FAT1: variants seen among roughly 807,000 people sequenced by gnomAD.
FAT1 encodes the protein protocadherin Fat 1.
In FAT1, 171 loss-of-function variants were observed where a neutral mutation model predicts 329.8. That is an observed-to-expected ratio of 0.52 (90% CI 0.46 to 0.59). The LOEUF is 0.59. Ranked by LOEUF, FAT1 falls within the 20% of genes least tolerant of loss-of-function variation. The pLI is 0.00. For synonymous variants in FAT1, 2,233 were observed against 2,228.6 expected (o/e 1.00, Z -0.06); for missense variants, 5,672 against 5,774.4 (o/e 0.98, Z 0.57).
intron 2 of FAT1, among the ~76,000 whole-genome samples, chr4:186,682,690 A>G (rs1281941439): frequency 6.6e-6 from 1 of 152,216 alleles, no homozygotes; most frequent in Non-Finnish European, 1.5e-5. Flanking sequence ...TTTACATCCA[A>G]AAGAAAGTCT....
intron 6 of FAT1, among the ~76,000 whole-genome samples, chr4:186,634,192 A>C (rs985668883): frequency 3.3e-5 from 5 of 152,238 alleles, no homozygotes; most frequent in Non-Finnish European, 5.9e-5. Context: ...CTTACTAACA[A>C]AACTTTCTGA....
rs2126523775 is a variant in FAT1 at position 186,621,276 on chromosome 4, A to G, written c.5310T>C (p.Tyr1770=). 3 of 1,614,044 alleles carry G rather than the reference A, an allele frequency of 1.9e-6. No homozygotes were observed. The highest frequency in any genetic ancestry group is 2.5e-6 in the Non-Finnish European group (3 of 1,179,900). The change falls in exon 10 of 27, where the codon TAT becomes TAC. Residue 1770 remains tyrosine (Y), a synonymous_variant. Transcript: ENST00000441802. Reference sequence around the variant, plus strand: ...AGGCTGATTCACTAATGAGTCCTGTATATTCTGCCTGCATAAAAACTGGCG... The same window carrying G: ...AGGCTGATTCACTAATGAGTCCTGTGTATTCTGCCTGCATAAAAACTGGCG... ...DNAPVFMQAE[Y]TGLISESASI...
chr4:186,619,594 T>C lies in FAT1; in HGVS notation c.6992A>G (p.Asp2331Gly). The change falls in exon 10 of 27, where the codon GAT becomes GGT. Residue 2331 changes from aspartate (D) to glycine (G), a missense_variant. Coordinates refer to ENST00000441802, the MANE Select transcript of FAT1 (RefSeq NM_005245.4). ...QMFGNHSKSH[D>G]HFHVDSSTGL... ...AGTGCTGCTGTCTACATGAAAATGA[T>C]CATGACTCTTGCTGTGATTCCCAAA... 1 of 1,613,972 alleles carries C rather than the reference T, an allele frequency of 6.2e-7. No individual in the cohort carries two copies. The highest frequency in any genetic ancestry group is 8.5e-7 in the Non-Finnish European group (1 of 1,179,900).
At chr4:186,710,987 C>T (rs1389731852) in intron 1 of FAT1, among the ~76,000 whole-genome samples, 1 of 152,198 alleles carries the variant, frequency 6.6e-6, no homozygotes, top group Non-Finnish European at 1.5e-5. Flanking sequence ...AACTGTTCCC[C>T]TTTGCCAACA....
At chr4:186,713,397 A>G (rs1745056331) in intron 1 of FAT1, among the ~76,000 whole-genome samples, 1 of 152,114 alleles carries the variant, frequency 6.6e-6, no homozygotes, top group Non-Finnish European at 1.5e-5. Flanking sequence ...CCACAGAGGT[A>G]GAGTCGTTTC....
Position 186,619,439 on chromosome 4 carries a change from G to A in FAT1, c.7147C>T (p.Leu2383Phe), listed in dbSNP as rs2126505593. 6 of 1,613,982 alleles carry A rather than the reference G, an allele frequency of 3.7e-6. No individual in the cohort carries two copies. The highest frequency in any genetic ancestry group is 3.3e-5 in the South Asian group (3 of 91,072). ...DVIVTVDVTDLNDNPPLFEQQ... is the reference protein window; with the variant it reads ...DVIVTVDVTDFNDNPPLFEQQ... ...TCAAAGAGTGGTGGATTATCATTGAGGTCGGTAACGTCCACCGTGACAATC... is the reference window on the plus strand; with the variant it reads ...TCAAAGAGTGGTGGATTATCATTGAAGTCGGTAACGTCCACCGTGACAATC... The change falls in exon 10 of 27, where the codon CTC becomes TTC. Residue 2383 changes from leucine to phenylalanine, a missense_variant. Transcript: ENST00000441802.
At position 186,636,834 on chromosome 4, in the gene FAT1, G is replaced by A; in HGVS notation, c.3723C>T (p.Asn1241=). The A allele has an allele frequency of 6.2e-7, 1 of 1,613,912 alleles. No homozygotes were observed. Among genetic ancestry groups the A allele is most frequent in the South Asian group, 1.1e-5 (1 of 91,082 alleles). Residue 1241 remains asparagine, a synonymous_variant, in exon 5 of 27, where the codon AAC becomes AAT. Coordinates refer to ENST00000441802, the MANE Select transcript of FAT1 (RefSeq NM_005245.4). ...VIVKILDEND[N]KPQFLQKFYK... is the part of the protein sequence containing the mutation. ...AGAACTTTTGCAGAAACTGAGGTTT[G>A]TTGTCATTTTCATCAAGGATTTTCA...
At chr4:186,633,226 C>T (rs1056599177) in intron 7 of FAT1, among the ~76,000 whole-genome samples, 2 of 151,816 alleles carry the variant, frequency 1.3e-5, no homozygotes, top group Admixed American at 6.6e-5. Flanking sequence ...CAGATAGGAA[C>T]AAATAAAGGT....
intron 2 of FAT1, among the ~76,000 whole-genome samples, chr4:186,702,391 A>G (rs1014310182): frequency 7.9e-5 from 12 of 152,320 alleles, no homozygotes; most frequent in Middle Eastern, 6.8e-3. Flanking sequence ...GGGCTCCCCA[A>G]ATAAGTAGAG....
Position 186,645,968 on chromosome 4 carries a change from TACAC to T in FAT1, c.3581-6189_3581-6186del, listed in dbSNP as rs371987938. ...CACAAAAAAAAAAAAAAAAAATATA[TACAC>T]ACACACACACACACACACACACACA... On this transcript the variant is annotated intron_variant, in intron 3 of 26. Transcript: ENST00000441802. Among the ~76,000 whole-genome samples the T allele has an allele frequency of 7.9e-3, 833 of 105,174 alleles. 23 individuals are homozygous for T. The highest frequency in any genetic ancestry group is 0.021 in the African/African-American group (548 of 25,724). 69.0% of individuals were successfully genotyped at this position (105,174 alleles called of 152,430 possible). A position where few individuals can be genotyped will look rare whatever the true frequency, so the allele number is the denominator to read the frequency against.
At chr4:186,605,836 T>C (rs900903333) in intron 17 of FAT1, among the ~76,000 whole-genome samples, 1 of 151,998 alleles carries the variant, frequency 6.6e-6, no homozygotes, top group Non-Finnish European at 1.5e-5. Flanking sequence ...AATAAGCTCT[T>C]AGGAATCCTA....
At chr4:186,692,319 A>AT (rs769658294) in intron 2 of FAT1, among the ~76,000 whole-genome samples, 13 of 150,770 alleles carry the variant, frequency 8.6e-5, no homozygotes, top group African/African-American at 3.2e-4. Flanking sequence ...TTATTTATTT[A>AT]TTTATTTTTT....
At chr4:186,639,876 C>T (rs978551746) in intron 3 of FAT1, 93 bp from the exon 4 acceptor site, 2 of 1,075,286 alleles carry the variant, frequency 1.9e-6, no homozygotes, top group Admixed American at 1.9e-5. Flanking sequence ...GGTGCGGTAG[C>T]TCATGCCTTA....
At chr4:186,693,657 A>G (rs945833976) in intron 2 of FAT1, among the ~76,000 whole-genome samples, 1 of 104,324 alleles carries the variant, frequency 9.6e-6, no homozygotes, top group African/African-American at 4.3e-5. Flanking sequence ...AGCCCAGCCC[A>G]AATCGCCCAC....
Position 186,587,830 on chromosome 4 carries a change from G to A in FAT1, c.*762C>T, listed in dbSNP as rs1397892649. ...TAATTTATTGTCAGTAAGAAAGACT[G>A]GCTAATGGTAGTTTTCATTAAAAAC... On this transcript the variant is annotated 3_prime_UTR_variant, in exon 27 of 27. Transcript: ENST00000441802. The A allele has an allele frequency of 4.9e-6, 1 of 206,024 alleles. No individual in the cohort carries two copies. The highest frequency in any genetic ancestry group is 9.9e-6 in the Non-Finnish European group (1 of 100,854). The allele number at this position is 206,024 out of a possible 1,614,324, so 12.8% of individuals were successfully genotyped here. A position where few individuals can be genotyped will look rare whatever the true frequency, so the allele number is the denominator to read the frequency against.
At position 186,611,398 on chromosome 4, in the gene FAT1, C is replaced by A. The variant is rs748152388; in HGVS notation, c.9841G>T (p.Asp3281Tyr). The A allele has an allele frequency of 6.2e-7, 1 of 1,609,856 alleles. No individual in the cohort carries two copies. The highest frequency in any genetic ancestry group is 1.1e-5 in the South Asian group (1 of 90,276). ...CATGGTAGGTTACCTGTTTTAGAAT[C>A]TATGCTGAATTTCCCATGTTCATTT... ...SGNEHGKFSI[D>Y]SKTGAVFIIE... Residue 3281 changes from aspartate (D) to tyrosine (Y), a missense_variant, in exon 14 of 27, where the codon GAT (aspartate) becomes TAT (tyrosine). Coordinates refer to ENST00000441802, the MANE Select transcript of FAT1 (RefSeq NM_005245.4).
Position 186,596,418 on chromosome 4 carries a change from C to A in FAT1, c.13000+122G>T. Reference sequence around the variant, plus strand: ...TCCAAAAAAGTTTCAAATCATCATACGGATTTCAGTCTGAGCATACTTGTC... The same window carrying A: ...TCCAAAAAAGTTTCAAATCATCATAAGGATTTCAGTCTGAGCATACTTGTC... On this transcript the variant is annotated intron_variant, in intron 25 of 26. Coordinates refer to ENST00000441802, the MANE Select transcript of FAT1 (RefSeq NM_005245.4). This position sits in a 1 kb window ranked among gnomAD's most constrained non-coding sequence, Gnocchi z 4.7. The A allele has an allele frequency of 8.9e-7, 1 of 1,123,320 alleles. No homozygotes were observed. Among genetic ancestry groups the A allele is most frequent in the Non-Finnish European group, 1.2e-6 (1 of 800,988 alleles). 69.6% of individuals were successfully genotyped at this position (1,123,320 alleles called of 1,614,324 possible).
chr4:186,697,392 G>A (rs1448216986), intron 2 of FAT1, among the ~76,000 whole-genome samples: 6 of 152,174 alleles, frequency 3.9e-5, no homozygotes, highest in Admixed American at 1.3e-4. Flanking sequence ...GTGGGTGTGC[G>A]CGGACGGTCC....
intron 2 of FAT1, among the ~76,000 whole-genome samples, chr4:186,690,462 G>A (rs566029718): frequency 1.6e-4 from 24 of 152,240 alleles, no homozygotes; most frequent in South Asian, 6.2e-4. Context: ...CCTGGAGGCC[G>A]AGGCAGGCAG....
Sources: allele counts gnomAD v4.1 joint callset (sites outside exome capture counted in the v4.1 genomes callset), GRCh38; gene constraint gnomAD v4.1.1; non-coding constraint Gnocchi (gnomAD v3.1); transcripts MANE v1.5; gene names NCBI Gene and HGNC (gene_info 2026-07-23, HGNC 2026-07-21).